Variants in COL6A5 observed in about 807,000 individuals in gnomAD.
COL6A5 encodes the protein collagen alpha-5(VI) chain.
Under a neutral mutation model 65.6 loss-of-function variants are expected in COL6A5, and 48 were observed. The observed-to-expected ratio is 0.73, with a 90% CI of 0.58 to 0.93. The LOEUF (loss-of-function observed/expected upper bound fraction) is 0.93. Ranked by LOEUF, COL6A5 falls within the 40% of genes least tolerant of loss-of-function variation. The pLI is 0.00. For synonymous variants in COL6A5, 291 were observed against 322.8 expected (o/e 0.90, Z 1.05); for missense variants, 914 against 928.3 (o/e 0.98, Z 0.20).
At chr3:130,468,711 C>A in intron 5 of COL6A5, 84 bp from the exon 38 acceptor site, 1 of 880,122 alleles carries the variant, frequency 1.1e-6, no homozygotes, top group Non-Finnish European at 1.7e-6. Context: ...GTAATAACCT[C>A]ATGCTGTGTA....
At chr3:130,415,578 A>G in intron 22 of COL6A5, 67 bp from the exon 23 acceptor site, 2 of 1,421,716 alleles carry the variant, frequency 1.4e-6, no homozygotes, top group Non-Finnish European at 1.9e-6. Flanking sequence ...GGGTGTTTCA[A>G]AAGAAACACT....
At chr3:130,404,802 C>G (rs1028108532) in intron 13 of COL6A5, among the ~76,000 whole-genome samples, 1 of 152,160 alleles carries the variant, frequency 6.6e-6, no homozygotes, top group Non-Finnish European at 1.5e-5. Flanking sequence ...CTCTTACTGG[C>G]AAGGCAAGAA....
chr3:130,364,942 C>T (rs775755897), intron 1 of COL6A5, among the ~76,000 whole-genome samples: 6 of 152,180 alleles, frequency 3.9e-5, no homozygotes, highest in Non-Finnish European at 8.8e-5. Flanking sequence ...ACTGAGACAC[C>T]TGAAAAGTCG....
At position 130,353,212 on chromosome 3, in the gene COL6A5, G is replaced by A. The variant is rs76242080; in HGVS notation, c.-29+7231G>A. ...AGCAATAAACTACAAAATAGCCAAG[G>A]ACATGAATGTGAAATATGTAGGAGC... is the stretch of plus-strand genomic sequence containing the variant. On this transcript the variant is annotated intron_variant and NMD_transcript_variant, in intron 1 of 41. Coordinates refer to the COL6A5 transcript ENST00000312481. Among the ~76,000 whole-genome samples the A allele has an allele frequency of 9.9e-3, 1,513 of 152,254 alleles. 16 individuals carry two copies. Among genetic ancestry groups the A allele is most frequent in the South Asian group, 0.081 (390 of 4,832 alleles).
intron 5 of COL6A5, among the ~76,000 whole-genome samples, chr3:130,465,089 AG>A: frequency 6.6e-6 from 1 of 152,260 alleles, no homozygotes; most frequent in South Asian, 2.1e-4. Context: ...TCTTTAGAGA[AG>A]GAAAACAAAT....
At chr3:130,467,148 TG>T (rs1709836563) in intron 5 of COL6A5, among the ~76,000 whole-genome samples, 1 of 151,976 alleles carries the variant, frequency 6.6e-6, no homozygotes, top group Admixed American at 6.6e-5. Flanking sequence ...TACATATTTT[TG>T]GGGTACATGT....
At position 130,406,194 on chromosome 3, in the gene COL6A5, A is replaced by G. The variant is rs890513352; in HGVS notation, c.4425+19A>G. On this transcript the variant is annotated intron_variant and NMD_transcript_variant, in intron 16 of 41. Transcript: ENST00000312481. The stretch of plus-strand genomic sequence containing the variant: ...GGAAGAGGTAAGCCATATTTCTTCA[A>G]GTATCATAAAACTGTCATGAGGTTG... 14 of 1,550,324 alleles carry G rather than the reference A, an allele frequency of 9.0e-6. No individual in the cohort carries two copies. Among genetic ancestry groups the G allele is most frequent in the Non-Finnish European group, 1.2e-5 (14 of 1,145,848 alleles).
intron 1 of COL6A5, among the ~76,000 whole-genome samples, chr3:130,372,517 A>G (rs751931849): frequency 1.3e-5 from 2 of 152,166 alleles, no homozygotes; most frequent in Non-Finnish European, 2.9e-5. Flanking sequence ...ACTGATACAT[A>G]CCATAACATG....
chr3:130,354,394 C>A (rs984610902), intron 1 of COL6A5, among the ~76,000 whole-genome samples: 15 of 152,060 alleles, frequency 9.9e-5, no homozygotes, highest in Non-Finnish European at 1.9e-4. Flanking sequence ...TTGCTCTAGA[C>A]AGCAAGTTGA....
chr3:130,393,090 G>T (rs1179416893), intron 7 of COL6A5, among the ~76,000 whole-genome samples: 57 of 149,774 alleles, frequency 3.8e-4, no homozygotes, highest in African/African-American at 1.3e-3. Context: ...GTGTGTGTGT[G>T]TGTGTGTGTG....
At chr3:130,409,369 A>G in exon 18 of COL6A5, 2 of 1,548,726 alleles carry the variant, frequency 1.3e-6, no homozygotes, top group Non-Finnish European at 1.7e-6. Context: ...TATGGAGAGA[A>G]GGGCTTCCCA....
exon 3 of COL6A5, chr3:130,376,642 A>G (rs1369677469): frequency 6.2e-7 from 1 of 1,612,816 alleles, no homozygotes; most frequent in East Asian, 2.2e-5. Context: ...AAAGCCCTGC[A>G]GAAAGACGGG....
Position 130,398,400 on chromosome 3 carries a change from G to C in COL6A5, c.3991+289G>C, listed in dbSNP as rs1022174744. Among the ~76,000 whole-genome samples the C allele has an allele frequency of 3.9e-5, 6 of 152,254 alleles. No individual in the cohort carries two copies. The South Asian group carries it at 1.2e-3, about 32-fold the overall frequency. The stretch of plus-strand genomic sequence containing the variant: ...CCGACTTGGCCTCCCAAAGTGCTGG[G>C]ATTGCAGGCGTGAGCCACCGCGCCC... On this transcript the variant is annotated intron_variant and NMD_transcript_variant, in intron 10 of 41. Transcript: ENST00000312481.
At chr3:130,397,680 A>G in exon 9 of COL6A5, 1 of 1,551,714 alleles carries the variant, frequency 6.4e-7, no homozygotes, top group Non-Finnish European at 8.7e-7. Flanking sequence ...CCTACCTCCC[A>G]GGCATCTTAG....
intron 7 of COL6A5, chr3:130,477,011 C>A: frequency 8.9e-7 from 1 of 1,119,548 alleles, no homozygotes; most frequent in Non-Finnish European, 1.3e-6. Flanking sequence ...CTGAGAATCA[C>A]TGAGTTGTAC....
At chr3:130,467,762 TTTG>T (rs1400512967) in intron 5 of COL6A5, among the ~76,000 whole-genome samples, 2 of 152,184 alleles carry the variant, frequency 1.3e-5, no homozygotes, top group East Asian at 1.9e-4. Context: ...GGTTGACTCA[TTTG>T]TTGTTGTGAG....
At chr3:130,471,041 G>A (rs902851472) in intron 7 of COL6A5, 74 bp downstream of exon 39, 52 of 1,057,250 alleles carry the variant, frequency 4.9e-5, no homozygotes, top group Admixed American at 4.1e-4. Flanking sequence ...GAAATGAATA[G>A]CATTTTAGTT....
chr3:130,424,545 G>A (rs1395912367), intron 29 of COL6A5, among the ~76,000 whole-genome samples: 1 of 152,094 alleles, frequency 6.6e-6, no homozygotes, highest in Non-Finnish European at 1.5e-5. Context: ...TTTTGTGGTG[G>A]AGACCCAGGC....
intron 5 of COL6A5, among the ~76,000 whole-genome samples, chr3:130,461,002 A>G (rs1484942979): frequency 6.6e-6 from 1 of 151,974 alleles, no homozygotes; most frequent in Non-Finnish European, 1.5e-5. Flanking sequence ...AGGGCTTACT[A>G]TATGAAAAGA....
Sources: gnomAD v4.1 joint callset for allele counts (sites outside exome capture counted in the v4.1 genomes callset) on GRCh38, gnomAD v4.1.1 for gene constraint, MANE v1.5 for transcripts, NCBI Gene and HGNC (gene_info 2026-07-23, HGNC 2026-07-21) for gene names.